Variants in BLTP1 observed in about 807,000 individuals in gnomAD.
BLTP1 encodes the protein fragile site-associated protein.
At chr4:122,262,493 T>C in the BLTP1 span, among the ~76,000 whole-genome samples, 7 of 151,450 alleles carry the variant, frequency 4.6e-5, no homozygotes, top group South Asian at 1.5e-3. Context: ...GAATTAAAGA[T>C]CCATGGTTAA....
chr4:122,172,972 G>A, the BLTP1 span: 1 of 1,591,986 alleles, frequency 6.3e-7, no homozygotes, highest in South Asian at 1.1e-5. Flanking sequence ...GTATTAAATT[G>A]TAAGAGGACA....
chr4:122,293,431 C>T, the BLTP1 span, among the ~76,000 whole-genome samples: 4 of 152,068 alleles, frequency 2.6e-5, no homozygotes, highest in Non-Finnish European at 2.9e-5. Context: ...AGCCAGGGAG[C>T]CCCCACCCCC....
chr4:122,196,618 C>T, the BLTP1 span: 1 of 1,583,660 alleles, frequency 6.3e-7, no homozygotes. Context: ...ATTATTCTTT[C>T]TACCTCCTTA....
chr4:122,210,388 G>A, the BLTP1 span, among the ~76,000 whole-genome samples: 1 of 152,170 alleles, frequency 6.6e-6, no homozygotes, highest in African/African-American at 2.4e-5. Flanking sequence ...AAGGTAATTT[G>A]CCTTATTACC....
the BLTP1 span, chr4:122,313,783 C>T: frequency 1.5e-6 from 1 of 682,360 alleles, no homozygotes; most frequent in Non-Finnish European, 2.4e-6. Context: ...CTGGTGTTCA[C>T]TAATTTAAAA....
the BLTP1 span, chr4:122,154,209 T>C: frequency 3.8e-5 from 29 of 754,604 alleles, no homozygotes; most frequent in Non-Finnish European, 4.4e-5. Context: ...GGAGTCTCGC[T>C]CTGTTGCCCA....
chr4:122,292,558 A>T, the BLTP1 span: 117 of 863,878 alleles, frequency 1.4e-4, no homozygotes, highest in Non-Finnish European at 1.6e-4. Flanking sequence ...AGAAAATAGT[A>T]TGTTAACGAA....
At chr4:122,254,926 A>G in the BLTP1 span, 11 of 1,612,394 alleles carry the variant, frequency 6.8e-6, no homozygotes, top group East Asian at 8.9e-5. Flanking sequence ...TTGTGCTGTT[A>G]TGGGATGCAT....
At chr4:122,227,672 C>T in the BLTP1 span, 1 of 173,122 alleles carries the variant, frequency 5.8e-6, no homozygotes, top group Non-Finnish European at 1.1e-5. Context: ...TTAGTTCATC[C>T]TACTTTTATG....
chr4:122,245,122 G>A, the BLTP1 span: 1 of 1,609,288 alleles, frequency 6.2e-7, no homozygotes, highest in Admixed American at 1.7e-5. Flanking sequence ...AAAATAGCAA[G>A]ACTACCTTTT....
chr4:122,356,021 GA>G, the BLTP1 span: 1 of 1,529,398 alleles, frequency 6.5e-7, no homozygotes, highest in South Asian at 1.3e-5. Flanking sequence ...AAGTTAATAA[GA>G]AAATTCTAAA....
chr4:122,292,630 AAG>A, the BLTP1 span: 19 of 923,380 alleles, frequency 2.1e-5, no homozygotes, highest in South Asian at 8.0e-4. Context: ...AAAATTGAAA[AAG>A]AATCTGCTTT....
chr4:122,272,059 G>C, the BLTP1 span: 22 of 1,400,292 alleles, frequency 1.6e-5, no homozygotes, highest in Non-Finnish European at 2.0e-5. Flanking sequence ...AAGAGGACTG[G>C]TTGGGAATGT....
the BLTP1 span, among the ~76,000 whole-genome samples, chr4:122,252,034 T>C: frequency 1.3e-5 from 2 of 152,122 alleles, no homozygotes; most frequent in Admixed American, 1.3e-4. Flanking sequence ...ACAACATTTC[T>C]AGACACACCC....
chr4:122,204,405 T>C, the BLTP1 span: 2 of 831,568 alleles, frequency 2.4e-6, no homozygotes, highest in Non-Finnish European at 2.9e-6. Flanking sequence ...ACTTGTATTA[T>C]CTTCACATAA....
chr4:122,230,450 TCTATA>T, the BLTP1 span, among the ~76,000 whole-genome samples: 1 of 152,208 alleles, frequency 6.6e-6, no homozygotes, highest in South Asian at 2.1e-4. Context: ...TGTTTCTAAG[TCTATA>T]CCATGTATGC....
the BLTP1 span, chr4:122,206,087 T>TA: frequency 2.0e-6 from 2 of 976,976 alleles, no homozygotes; most frequent in Non-Finnish European, 1.2e-6. Flanking sequence ...AACACAATTT[T>TA]AAAAAGCAGT....
the BLTP1 span, among the ~76,000 whole-genome samples, chr4:122,319,180 T>A: frequency 1.3e-5 from 2 of 152,018 alleles, no homozygotes; most frequent in Admixed American, 6.6e-5. Context: ...CCAGCTTTGG[T>A]TTTGTTGATT....
At chr4:122,178,305 A>G in the BLTP1 span, 1 of 227,268 alleles carries the variant, frequency 4.4e-6, no homozygotes, top group African/African-American at 2.3e-5. Context: ...TTTACTAATG[A>G]TACCTGCATA....
Sources: gnomAD v4.1 joint callset for allele counts (sites outside exome capture counted in the v4.1 genomes callset) on GRCh38, gnomAD v4.1.1 for gene constraint, MANE v1.5 for transcripts, NCBI Gene and HGNC (gene_info 2026-07-23, HGNC 2026-07-21) for gene names.